Variants in ARHGAP6 observed in about 807,000 individuals in gnomAD.
ARHGAP6 encodes the protein Rho GTPase activating protein 6.
Under a neutral mutation model 55.7 loss-of-function variants are expected in ARHGAP6, and 16 were observed. That is an observed-to-expected ratio of 0.29 (90% CI 0.19 to 0.44). The LOEUF is 0.44. ARHGAP6 is among the 20% of genes least tolerant of loss of function. The probability of loss-of-function intolerance (pLI) is 1.00; values close to 1 mark genes in which losing one functional copy is unlikely to be tolerated. For missense variants in ARHGAP6, 698 were observed against 808.9 expected, an observed-to-expected ratio of 0.86 and a Z score of 1.66; for synonymous variants, 382 against 360.9, an observed-to-expected ratio of 1.06 and a Z score of -0.66.
intron 1 of ARHGAP6, among the ~76,000 whole-genome samples, chrX:11,441,818 C>A (rs2050041910): frequency 9.1e-6 from 1 of 109,769 alleles, no homozygotes; most frequent in Admixed American, 9.7e-5. Flanking sequence ...CCTAAATCTT[C>A]TAAGATTCTT....
At chrX:11,579,388 T>C (rs1336414516) in intron 1 of ARHGAP6, among the ~76,000 whole-genome samples, 1 of 111,976 alleles carries the variant, frequency 8.9e-6, no homozygotes, top group East Asian at 2.8e-4. Context: ...ACTATAGTAT[T>C]AGTGTAGTAT....
At chrX:11,169,994 A>G (rs2046068127) in intron 8 of ARHGAP6, among the ~76,000 whole-genome samples, 1 of 111,520 alleles carries the variant, frequency 9.0e-6, no homozygotes, top group African/African-American at 3.3e-5. Flanking sequence ...ATTGACACCC[A>G]TCCATCCATC....
chrX:11,538,825 C>T (rs2051128391), intron 1 of ARHGAP6, among the ~76,000 whole-genome samples: 1 of 105,491 alleles, frequency 9.5e-6, no homozygotes, highest in African/African-American at 3.5e-5. Context: ...ATTGTGGGGA[C>T]CACTGTGTGT....
intron 1 of ARHGAP6, among the ~76,000 whole-genome samples, chrX:11,378,741 G>A (rs2049229586): frequency 8.9e-6 from 1 of 112,226 alleles, no homozygotes; most frequent in South Asian, 3.7e-4. Flanking sequence ...TGAAGACCTG[G>A]CACCAGATTA....
rs145630845 is a variant in ARHGAP6 at position 11,625,855 on chromosome X, G to T, written c.588+38386C>A. Among the ~76,000 whole-genome samples, 660 of 111,298 alleles carry T rather than the reference G, an allele frequency of 5.9e-3. 4 individuals carry two copies. Among genetic ancestry groups the T allele is most frequent in the African/African-American group, 0.021 (629 of 30,671 alleles). ...ATGAAAAATGAAAAAAATTACAAAA[G>T]AGTCATTAAGTTTCCAATAACTACT... On this transcript the variant is annotated intron_variant, in intron 1 of 12. Coordinates refer to ENST00000337414, the MANE Select transcript of ARHGAP6 (RefSeq NM_013427.3).
At chrX:11,220,615 A>G (rs1448636052) in intron 2 of ARHGAP6, among the ~76,000 whole-genome samples, 1 of 110,781 alleles carries the variant, frequency 9.0e-6, no homozygotes, top group African/African-American at 3.3e-5. Context: ...CCTGCCTTAC[A>G]AGAGCTCCTG....
At chrX:11,429,106 C>T (rs1377265038) in intron 1 of ARHGAP6, among the ~76,000 whole-genome samples, 1 of 112,423 alleles carries the variant, frequency 8.9e-6, no homozygotes, top group Non-Finnish European at 1.9e-5. Flanking sequence ...GTAGTCTGTG[C>T]ACATGATGGA....
chrX:11,406,069 T>C (rs1165240950), intron 1 of ARHGAP6, among the ~76,000 whole-genome samples: 1 of 110,701 alleles, frequency 9.0e-6, no homozygotes, highest in Non-Finnish European at 1.9e-5. Flanking sequence ...GCCCAGCTAA[T>C]ATTTTATTTT....
chrX:11,525,470 G>A (rs111971972), intron 1 of ARHGAP6, among the ~76,000 whole-genome samples: 11,077 of 111,366 alleles, frequency 0.099, 672 homozygotes, highest in African/African-American at 0.21. Flanking sequence ...TTGGTGAATG[G>A]ATTATTAGAG....
intron 1 of ARHGAP6, among the ~76,000 whole-genome samples, chrX:11,284,827 G>T (rs1279400268): frequency 3.6e-5 from 4 of 110,975 alleles, no homozygotes; most frequent in Admixed American, 1.9e-4. Flanking sequence ...ATATTTAACA[G>T]CATCTCTGGC....
chrX:11,179,740 A>ATATACATATATATGTATATG (rs2046287771), intron 6 of ARHGAP6, among the ~76,000 whole-genome samples: 1 of 94,552 alleles, frequency 1.1e-5, no homozygotes, highest in East Asian at 3.0e-4. Flanking sequence ...TTGTATATGT[A>ATATACATATATATGTATATG]TATACATATA....
At chrX:11,389,168 C>G (rs1379744339) in intron 1 of ARHGAP6, among the ~76,000 whole-genome samples, 1 of 111,621 alleles carries the variant, frequency 9.0e-6, no homozygotes, top group African/African-American at 3.3e-5. Context: ...TGACAAATCC[C>G]TTAAAGTAAA....
intron 1 of ARHGAP6, among the ~76,000 whole-genome samples, chrX:11,416,123 G>T (rs1434220474): frequency 9.0e-6 from 1 of 111,324 alleles, no homozygotes; most frequent in African/African-American, 3.3e-5. Context: ...AAATAAAAAT[G>T]TGCCCTCCCC....
intron 1 of ARHGAP6, among the ~76,000 whole-genome samples, chrX:11,521,593 A>C (rs12007392): frequency 0.045 from 5,022 of 111,564 alleles, 286 homozygotes; most frequent in African/African-American, 0.16. Flanking sequence ...AGGTAGCGTG[A>C]TGCCTCCAGC....
At chrX:11,577,694 C>T (rs985789476) in intron 1 of ARHGAP6, among the ~76,000 whole-genome samples, 2 of 111,496 alleles carry the variant, frequency 1.8e-5, no homozygotes, top group African/African-American at 6.5e-5. Flanking sequence ...CAACTAGAGG[C>T]CCAGAATGGT....
At chrX:11,199,610 T>G (rs1448351528) in intron 2 of ARHGAP6, among the ~76,000 whole-genome samples, 2 of 112,583 alleles carry the variant, frequency 1.8e-5, no homozygotes, top group Non-Finnish European at 3.7e-5. Flanking sequence ...CTCATTTGTA[T>G]TCCCACAAAT....
chrX:11,365,523 CTTGA>C (rs988626279), intron 1 of ARHGAP6, among the ~76,000 whole-genome samples: 38 of 112,271 alleles, frequency 3.4e-4, no homozygotes, highest in African/African-American at 1.2e-3. Flanking sequence ...CAAAATATAT[CTTGA>C]TTAATGCCTT....
intron 2 of ARHGAP6, among the ~76,000 whole-genome samples, chrX:11,199,278 T>G (rs753119787): frequency 2.8e-4 from 32 of 112,334 alleles, no homozygotes; most frequent in Non-Finnish European, 3.8e-5. Context: ...TGAGCGTGTA[T>G]GTACACAAGT....
Position 11,664,442 on chromosome X carries a change from G to T in ARHGAP6, c.387C>A (p.Gly129=). ...CCCAGGCCATGCTCTTCTTGAGGCC[G>T]CCGCGACCCAGGGGAACCTCATAGT... The part of the protein sequence containing the change: ...HFDYEVPLGR[G]GLKKSMAWDL... Residue 129 remains glycine, a synonymous_variant, in exon 1 of 13, where the codon GGC becomes GGA. Coordinates refer to ENST00000337414, the MANE Select transcript of ARHGAP6 (RefSeq NM_013427.3). 1 of 1,211,710 alleles carries T rather than the reference G, an allele frequency of 8.3e-7. No individual in the cohort carries two copies. Among genetic ancestry groups the T allele is most frequent in the Non-Finnish European group, 1.1e-6 (1 of 895,301 alleles).
Sources: allele counts gnomAD v4.1 joint callset (sites outside exome capture counted in the v4.1 genomes callset), GRCh38; gene constraint gnomAD v4.1.1; transcripts MANE v1.5; gene names NCBI Gene and HGNC (gene_info 2026-07-23, HGNC 2026-07-21).